ADARB2: variants seen among roughly 807,000 people sequenced by gnomAD.
ADARB2 encodes the protein adenosine deaminase RNA specific B2 (inactive), also known as inactive double-stranded RNA-specific editase B2.
A neutral mutation model predicts 62.2 loss-of-function variants in ADARB2; 25 were observed. The ratio of observed to expected loss-of-function variants is 0.40; its 90% CI spans 0.29 to 0.56. ADARB2 has a LOEUF of 0.56. ADARB2 is among the 20% of genes least tolerant of loss of function. ADARB2 has a pLI of 0.43. For synonymous variants in ADARB2, 572 were observed against 500.8 expected (o/e 1.14, Z -1.90); for missense variants, 1,071 against 1,077.4 (o/e 0.99, Z 0.08).
In ADARB2 at chr10:1,737,324, T is replaced by G; in HGVS notation, c.-174A>C. The G allele has an allele frequency of 1.6e-6, 1 of 636,670 alleles. No individual in the cohort carries two copies. Among genetic ancestry groups the G allele is most frequent in the Non-Finnish European group, 2.7e-6 (1 of 369,998 alleles). The allele number at this position is 636,670 out of a possible 1,614,324, so 39.4% of individuals were successfully genotyped here. ...CTCCGTCTCTCTGTCTCTCGAATTG[T>G]TCTCTATGACTTGCTCCCACTGGGC... On this transcript the variant is annotated 5_prime_UTR_variant, in exon 1 of 10. Transcript: ENST00000381312.
At chr10:1,435,499 G>A (rs532998604) in intron 1 of ADARB2, among the ~76,000 whole-genome samples, 4 of 151,346 alleles carry the variant, frequency 2.6e-5, no homozygotes, top group African/African-American at 7.4e-5. Context: ...CCATTAACGA[G>A]GGGGCCTGTG....
chr10:1,682,502 C>T (rs183626351), intron 1 of ADARB2, among the ~76,000 whole-genome samples: 11 of 152,344 alleles, frequency 7.2e-5, no homozygotes, highest in Admixed American at 3.3e-4. Context: ...GAAAGGACCA[C>T]GGGTATTGGG....
At chr10:1,601,295 G>A (rs1251885704) in intron 1 of ADARB2, among the ~76,000 whole-genome samples, 3 of 152,216 alleles carry the variant, frequency 2.0e-5, no homozygotes, top group African/African-American at 7.2e-5. Flanking sequence ...GATAGGCCAG[G>A]TGGGCCCCCA....
intron 2 of ADARB2, among the ~76,000 whole-genome samples, chr10:1,371,079 T>C (rs1832365767): frequency 1.3e-5 from 2 of 152,138 alleles, no homozygotes; most frequent in African/African-American, 4.8e-5. Context: ...AAGAACAGGA[T>C]GGTATTGGTA....
At chr10:1,370,317 C>T (rs1832357466) in intron 2 of ADARB2, among the ~76,000 whole-genome samples, 1 of 152,170 alleles carries the variant, frequency 6.6e-6, no homozygotes, top group South Asian at 2.1e-4. Context: ...ATAATAAAAG[C>T]CATCTATGAC....
chr10:1,351,660 G>A (rs1301046829), intron 3 of ADARB2, among the ~76,000 whole-genome samples: 2 of 151,732 alleles, frequency 1.3e-5, no homozygotes, highest in Admixed American at 6.6e-5. Flanking sequence ...CTTAGTGACC[G>A]ATCATGCACC....
At chr10:1,265,781 C>T (rs113059638) in intron 4 of ADARB2, among the ~76,000 whole-genome samples, 11 of 109,612 alleles carry the variant, frequency 1.0e-4, no homozygotes, top group Admixed American at 3.8e-4. Context: ...ACGGCCTGAG[C>T]CAGGTCCACG....
At chr10:1,652,606 C>T (rs1188316438) in intron 1 of ADARB2, among the ~76,000 whole-genome samples, 2 of 152,266 alleles carry the variant, frequency 1.3e-5, no homozygotes, top group East Asian at 3.9e-4. Context: ...ATGATTTTTC[C>T]TTATTCATTA....
intron 1 of ADARB2, among the ~76,000 whole-genome samples, chr10:1,624,210 G>A (rs1833740308): frequency 6.6e-6 from 1 of 151,970 alleles, no homozygotes; most frequent in Non-Finnish European, 1.5e-5. Context: ...CTCCTGCCTG[G>A]GTGACAGAGT....
At chr10:1,688,168 G>A (rs1834620071) in intron 1 of ADARB2, among the ~76,000 whole-genome samples, 1 of 152,246 alleles carries the variant, frequency 6.6e-6, no homozygotes, top group South Asian at 2.1e-4. Flanking sequence ...TAAACAGCCA[G>A]TGGGGACCTG....
intron 1 of ADARB2, among the ~76,000 whole-genome samples, chr10:1,603,066 A>G (rs1833444644): frequency 6.7e-6 from 1 of 149,384 alleles, no homozygotes; most frequent in Non-Finnish European, 1.5e-5. Flanking sequence ...ATACATACAC[A>G]CAACACAGAC....
intron 1 of ADARB2, among the ~76,000 whole-genome samples, chr10:1,406,222 C>A (rs1340350541): frequency 6.6e-6 from 1 of 152,190 alleles, no homozygotes; most frequent in Non-Finnish European, 1.5e-5. Context: ...CAGCTGCTCT[C>A]CTTGCAGGTC....
chr10:1,230,080 T>C (rs891025239), intron 6 of ADARB2, among the ~76,000 whole-genome samples: 1 of 151,366 alleles, frequency 6.6e-6, no homozygotes. Flanking sequence ...TCGAGAAGAC[T>C]GAAACCTCTG....
intron 1 of ADARB2, among the ~76,000 whole-genome samples, chr10:1,618,755 T>C (rs1196739872): frequency 6.6e-6 from 1 of 152,154 alleles, no homozygotes; most frequent in Non-Finnish European, 1.5e-5. Flanking sequence ...TCTCAATGAA[T>C]TAAATACAAA....
intron 3 of ADARB2, among the ~76,000 whole-genome samples, chr10:1,336,378 C>T (rs1022641105): frequency 6.6e-6 from 1 of 152,136 alleles, no homozygotes; most frequent in Admixed American, 6.5e-5. Flanking sequence ...GTCTTAAATA[C>T]CCGGTTCCTA....
At chr10:1,420,956 G>A (rs1222390431) in intron 1 of ADARB2, among the ~76,000 whole-genome samples, 2 of 151,972 alleles carry the variant, frequency 1.3e-5, no homozygotes, top group South Asian at 2.1e-4. Flanking sequence ...CCTGCCCTGC[G>A]CCGCTCGGTT....
rs58944098 is a variant in ADARB2, at chr10:1,657,001, TTGTGTGTG to T, written c.100+80042_100+80049del. Among the ~76,000 whole-genome samples, 10 of 148,810 alleles carry T rather than the reference TTGTGTGTG, an allele frequency of 6.7e-5. No homozygotes were observed. In the South Asian group the frequency reaches 8.7e-4, roughly 13 times the overall value. ...AAAGCAGTGGTACCCATCTAGTGTT[TTGTGTGTG>T]TGTGTGTGTGTGTGTGTGTGGTGTT... On this transcript the variant is annotated intron_variant, in intron 1 of 9. Coordinates refer to ENST00000381312, the MANE Select transcript of ADARB2 (RefSeq NM_018702.4).
At chr10:1,521,773 C>T (rs1441057787) in intron 1 of ADARB2, among the ~76,000 whole-genome samples, 1 of 151,464 alleles carries the variant, frequency 6.6e-6, no homozygotes, top group South Asian at 2.1e-4. Flanking sequence ...GGGCACCCCC[C>T]CATCCACCCC....
At chr10:1,275,898 GTC>G (rs1831311890) in intron 3 of ADARB2, among the ~76,000 whole-genome samples, 1 of 151,852 alleles carries the variant, frequency 6.6e-6, no homozygotes, top group Admixed American at 6.6e-5. Flanking sequence ...TCTTAATCCA[GTC>G]TATCATTGTT....
Sources: allele counts gnomAD v4.1 joint callset (sites outside exome capture counted in the v4.1 genomes callset), GRCh38; gene constraint gnomAD v4.1.1; transcripts MANE v1.5; gene names NCBI Gene and HGNC (gene_info 2026-07-23, HGNC 2026-07-21).